The following SPAG1 variants were observed in gnomAD, a reference collection of about 807,000 sequenced individuals.
SPAG1 encodes the protein sperm-associated antigen 1.
A neutral mutation model predicts 100.5 loss-of-function variants in SPAG1; 69 were observed. The ratio of observed to expected loss-of-function variants is 0.69; its 90% CI spans 0.57 to 0.84. The LOEUF (loss-of-function observed/expected upper bound fraction) is 0.84, where lower values mean the gene tolerates loss of function less well. SPAG1 is among the 40% of genes least tolerant of loss of function. SPAG1 has a pLI of 0.00. For missense variants in SPAG1, 955 were observed against 1,133.1 expected (o/e 0.84, Z 2.26); for synonymous variants, 336 against 411.6 (o/e 0.82, Z 2.22).
intron 10 of SPAG1, among the ~76,000 whole-genome samples, chr8:100,197,388 C>T (rs1817079473): frequency 6.6e-6 from 1 of 152,154 alleles, no homozygotes; most frequent in Admixed American, 6.5e-5. Context: ...GAAACTCAGA[C>T]ATAATCTTTT....
chr8:100,206,488 C>T (rs1040421404), intron 10 of SPAG1, among the ~76,000 whole-genome samples: 10 of 152,162 alleles, frequency 6.6e-5, no homozygotes, highest in Non-Finnish European at 1.0e-4. Context: ...CTGGACCTAG[C>T]GAGCAAGAAG....
intron 12 of SPAG1, among the ~76,000 whole-genome samples, chr8:100,216,047 G>A (rs149080958): frequency 3.3e-5 from 5 of 152,188 alleles, no homozygotes; most frequent in Non-Finnish European, 7.3e-5. Flanking sequence ...ATGTCAAGTT[G>A]ATATTTTGAA....
chr8:100,213,399 C>A lies in SPAG1; in HGVS notation c.1406C>A (p.Ser469Ter). 6.9e-7 allele frequency: 1 copy of A among 1,441,360 alleles called. No individual in the cohort carries two copies. The highest frequency in any genetic ancestry group is 1.4e-5 in the South Asian group (1 of 72,274). 89.3% of individuals were successfully genotyped at this position (1,441,360 alleles called of 1,614,324 possible). The change falls in exon 11 of 19, where the codon TCG becomes TAG. Residue 469 changes from serine (S) to a stop codon, truncating the protein, a stop_gained. Transcript: ENST00000388798. LOFTEE classifies it high-confidence loss of function. Reference sequence around the variant, plus strand: ...TTCGCCGAGGCGGCCGGCAAGTACTCGGCGGCAATCGCGCTCCTGGAGCCA... The same window carrying A: ...TTCGCCGAGGCGGCCGGCAAGTACTAGGCGGCAATCGCGCTCCTGGAGCCA... ...GQFAEAAGKY[S>*]AAIALLEPAG...
intron 4 of SPAG1, among the ~76,000 whole-genome samples, chr8:100,179,698 C>T (rs576979375): frequency 6.6e-6 from 1 of 152,236 alleles, no homozygotes; most frequent in African/African-American, 2.4e-5. Context: ...AAAACAAATT[C>T]CAATTTTACT....
intron 12 of SPAG1, among the ~76,000 whole-genome samples, chr8:100,218,470 TAATATTA>T (rs1014256460): frequency 1.3e-5 from 2 of 152,242 alleles, no homozygotes; most frequent in African/African-American, 4.8e-5. Context: ...CTCATAGAGT[TAATATTA>T]CCTAAACATT....
At chr8:100,232,058 G>T (rs986585929) in intron 15 of SPAG1, among the ~76,000 whole-genome samples, 42 of 152,106 alleles carry the variant, frequency 2.8e-4, no homozygotes, top group Admixed American at 2.0e-4. Flanking sequence ...CAGCAGGAAT[G>T]GGCAGATTGT....
intron 15 of SPAG1, chr8:100,233,065 AG>A (rs1818849760): frequency 3.7e-6 from 1 of 268,684 alleles, no homozygotes; most frequent in Admixed American, 5.5e-5. Flanking sequence ...CACTTCTTCC[AG>A]GAAGTCTTCC....
intron 10 of SPAG1, among the ~76,000 whole-genome samples, chr8:100,204,913 A>C (rs570560190): frequency 1.3e-4 from 20 of 152,318 alleles, no homozygotes; most frequent in African/African-American, 4.8e-4. Context: ...AACCATCAAA[A>C]GCAAGGTGGA....
intron 10 of SPAG1, among the ~76,000 whole-genome samples, chr8:100,204,353 C>A (rs1817416642): frequency 6.6e-6 from 1 of 152,078 alleles, no homozygotes. Flanking sequence ...TGTTTGAGTT[C>A]TCTAATTTAT....
At chr8:100,202,915 C>T (rs1433119007) in intron 10 of SPAG1, among the ~76,000 whole-genome samples, 3 of 151,896 alleles carry the variant, frequency 2.0e-5, no homozygotes, top group Non-Finnish European at 4.4e-5. Context: ...AATACTAGCA[C>T]TTTGGGAGGC....
intron 12 of SPAG1, among the ~76,000 whole-genome samples, chr8:100,214,496 C>T (rs1817878997): frequency 6.6e-6 from 1 of 152,186 alleles, no homozygotes; most frequent in Non-Finnish European, 1.5e-5. Context: ...GTGCCCTAGA[C>T]TTCCTGGTCA....
At chr8:100,170,529 C>T (rs1403134603) in intron 3 of SPAG1, among the ~76,000 whole-genome samples, 1 of 152,062 alleles carries the variant, frequency 6.6e-6, no homozygotes, top group African/African-American at 2.4e-5. Context: ...ACAACAACTC[C>T]CCATTTTCCC....
chr8:100,197,748 A>T (rs1817094654), intron 10 of SPAG1, among the ~76,000 whole-genome samples: 1 of 152,086 alleles, frequency 6.6e-6, no homozygotes, highest in African/African-American at 2.4e-5. Flanking sequence ...TATGATCTCC[A>T]CTCGGGTTGG....
At chr8:100,193,567 T>G (rs1364323907) in intron 9 of SPAG1, among the ~76,000 whole-genome samples, 1 of 152,196 alleles carries the variant, frequency 6.6e-6, no homozygotes, top group Non-Finnish European at 1.5e-5. Flanking sequence ...GGATGATATA[T>G]CTATTTTTCA....
intron 15 of SPAG1, among the ~76,000 whole-genome samples, chr8:100,232,078 A>T (rs1310162789): frequency 6.6e-6 from 1 of 152,200 alleles, no homozygotes; most frequent in Admixed American, 6.5e-5. Context: ...TTGCTCAGGT[A>T]CCGTCTTTAC....
intron 16 of SPAG1, among the ~76,000 whole-genome samples, chr8:100,237,640 C>A (rs779015984): frequency 6.6e-6 from 1 of 151,124 alleles, no homozygotes; most frequent in Non-Finnish European, 1.5e-5. Flanking sequence ...GGCACATGGA[C>A]GTGCTCAGAG....
At chr8:100,238,024 T>C (rs1819085374) in intron 16 of SPAG1, among the ~76,000 whole-genome samples, 2 of 152,188 alleles carry the variant, frequency 1.3e-5, no homozygotes, top group Non-Finnish European at 2.9e-5. Flanking sequence ...AAGTTAATAT[T>C]TGTAGGGCTG....
intron 12 of SPAG1, 73 bp from the exon 13 acceptor site, chr8:100,220,206 A>G (rs556974481): frequency 3.8e-5 from 49 of 1,287,192 alleles, no homozygotes; most frequent in Non-Finnish European, 5.1e-5. Flanking sequence ...GTACTGCAGT[A>G]TCTATTCAGT....
Position 100,213,697 on chromosome 8 carries a change from T to G in SPAG1, c.1436-122T>G, listed in dbSNP as rs993643947. ...TGCGGGTAGCAGCTCCGTGGAGTTCTGCATGATCAGTCTGCAGGACTGCAG... is the reference window on the plus strand; with the variant it reads ...TGCGGGTAGCAGCTCCGTGGAGTTCGGCATGATCAGTCTGCAGGACTGCAG... On this transcript the variant is annotated intron_variant, in intron 11 of 18. Transcript: ENST00000388798. 6.0e-5 allele frequency: 39 copies of G among 646,498 alleles called. No individual in the cohort carries two copies. In the Admixed American group the frequency reaches 1.2e-3, roughly 19 times the overall value. 40.0% of individuals were successfully genotyped at this position (646,498 alleles called of 1,614,324 possible).
Sources: allele counts gnomAD v4.1 joint callset (sites outside exome capture counted in the v4.1 genomes callset), GRCh38; gene constraint gnomAD v4.1.1; transcripts MANE v1.5; gene names NCBI Gene and HGNC (gene_info 2026-07-23, HGNC 2026-07-21).